Variants in NEGR1 observed in about 807,000 individuals in gnomAD.
The protein encoded by NEGR1 is neuronal growth regulator 1, also known as IgLON family member 4.
In NEGR1, 10 loss-of-function variants were observed where a neutral mutation model predicts 40.9. That is an observed-to-expected ratio of 0.24 (90% CI 0.15 to 0.42). NEGR1 has a LOEUF of 0.42. Ranked by LOEUF, NEGR1 falls within the 10% of genes least tolerant of loss-of-function variation. NEGR1 has a pLI of 1.00. For missense variants in NEGR1, 352 were observed against 438.9 expected (o/e 0.80, Z 1.77); for synonymous variants, 185 against 166.8 (o/e 1.11, Z -0.84).
chr1:72,182,870 T>C (rs968317348), intron 1 of NEGR1, among the ~76,000 whole-genome samples: 4 of 151,368 alleles, frequency 2.6e-5, no homozygotes, highest in African/African-American at 9.7e-5. Context: ...CCCACAGGTT[T>C]GCTTTTTAGC....
intron 1 of NEGR1, among the ~76,000 whole-genome samples, chr1:72,181,091 A>G (rs1465985922): frequency 6.6e-6 from 1 of 152,126 alleles, no homozygotes; most frequent in Non-Finnish European, 1.5e-5. Context: ...TAAAGAACAC[A>G]CTAGAACCAT....
At chr1:72,104,299 C>A (rs1649051109) in intron 1 of NEGR1, among the ~76,000 whole-genome samples, 1 of 151,994 alleles carries the variant, frequency 6.6e-6, no homozygotes, top group African/African-American at 2.4e-5. Context: ...TCTGGTTGGG[C>A]CCAATGTAAT....
At chr1:72,031,489 T>C (rs1014779522) in intron 1 of NEGR1, among the ~76,000 whole-genome samples, 4 of 152,174 alleles carry the variant, frequency 2.6e-5, no homozygotes, top group African/African-American at 7.2e-5. Flanking sequence ...CTTCTTAAAA[T>C]TGACCCCTTT....
intron 5 of NEGR1, among the ~76,000 whole-genome samples, chr1:71,603,925 C>T (rs1380981774): frequency 6.6e-6 from 1 of 152,072 alleles, no homozygotes; most frequent in Non-Finnish European, 1.5e-5. Context: ...TTGCTGATCC[C>T]TGCTTTACCT....
At chr1:72,178,789 T>G (rs1242031380) in intron 1 of NEGR1, among the ~76,000 whole-genome samples, 1 of 151,978 alleles carries the variant, frequency 6.6e-6, no homozygotes, top group East Asian at 1.9e-4. Context: ...CATTTGCATT[T>G]CCCTAATACT....
intron 1 of NEGR1, among the ~76,000 whole-genome samples, chr1:72,216,821 TATG>T (rs1207948446): frequency 1.3e-5 from 2 of 151,752 alleles, no homozygotes; most frequent in South Asian, 2.1e-4. Flanking sequence ...TAGTTATTAT[TATG>T]ATGATGATTA....
chr1:71,973,666 T>A (rs1161497055), intron 1 of NEGR1, among the ~76,000 whole-genome samples: 2 of 152,162 alleles, frequency 1.3e-5, no homozygotes, highest in African/African-American at 4.8e-5. Context: ...CTTAGCAAAA[T>A]GAATCTCACA....
chr1:71,736,271 G>A (rs888810607), intron 3 of NEGR1, among the ~76,000 whole-genome samples: 6 of 151,978 alleles, frequency 3.9e-5, no homozygotes, highest in African/African-American at 1.4e-4. Flanking sequence ...AAAATGTTTT[G>A]ATGAATTTTA....
At chr1:71,427,947 A>C (rs1179184083) in intron 6 of NEGR1, among the ~76,000 whole-genome samples, 1 of 152,078 alleles carries the variant, frequency 6.6e-6, no homozygotes, top group Non-Finnish European at 1.5e-5. Context: ...GATGTGCTCA[A>C]AGGGAGCTAT....
intron 6 of NEGR1, 153 bp from the exon 7 acceptor site, chr1:71,407,723 T>G: frequency 1.6e-6 from 1 of 614,940 alleles, no homozygotes; most frequent in Non-Finnish European, 2.8e-6. Context: ...TATGACAACG[T>G]GTGGGCTATG....
chr1:71,953,454 TC>T (rs1440212963), intron 1 of NEGR1, among the ~76,000 whole-genome samples: 2 of 151,966 alleles, frequency 1.3e-5, no homozygotes, highest in African/African-American at 4.8e-5. Flanking sequence ...TGAGATGGTA[TC>T]TACCCCTGGG....
At chr1:71,913,934 C>A (rs879515666) in intron 2 of NEGR1, among the ~76,000 whole-genome samples, 20 of 151,922 alleles carry the variant, frequency 1.3e-4, no homozygotes, top group Admixed American at 2.0e-4. Flanking sequence ...CAGTATGTCT[C>A]TAATCCCTCA....
intron 6 of NEGR1, among the ~76,000 whole-genome samples, chr1:71,587,242 G>A (rs1459131970): frequency 1.3e-5 from 2 of 152,192 alleles, no homozygotes; most frequent in East Asian, 3.9e-4. Flanking sequence ...TACTTGCAAG[G>A]ACACAGCTAG....
intron 1 of NEGR1, among the ~76,000 whole-genome samples, chr1:72,137,369 G>C (rs540969287): frequency 5.9e-5 from 9 of 152,204 alleles, no homozygotes; most frequent in African/African-American, 1.9e-4. Context: ...TGATAGACTA[G>C]ATAAAGAAAA....
intron 1 of NEGR1, among the ~76,000 whole-genome samples, chr1:72,229,212 A>G (rs1168211636): frequency 6.6e-6 from 1 of 152,006 alleles, no homozygotes; most frequent in East Asian, 1.9e-4. Context: ...TGACACAAAT[A>G]GTAACATCAC....
At chr1:72,021,112 C>A (rs948663662) in intron 1 of NEGR1, among the ~76,000 whole-genome samples, 2 of 151,952 alleles carry the variant, frequency 1.3e-5, no homozygotes, top group South Asian at 2.1e-4. Flanking sequence ...CATTTGAAAT[C>A]AAAAATAAAA....
intron 1 of NEGR1, among the ~76,000 whole-genome samples, chr1:72,111,870 A>C (rs900607631): frequency 6.6e-5 from 10 of 151,844 alleles, no homozygotes; most frequent in Non-Finnish European, 1.5e-4. Flanking sequence ...AGGAATTTGC[A>C]TGTACATACA....
At chr1:71,667,027 G>GA (rs1206026409) in intron 4 of NEGR1, among the ~76,000 whole-genome samples, 4 of 152,026 alleles carry the variant, frequency 2.6e-5, no homozygotes, top group East Asian at 3.9e-4. Context: ...ATTTCTACAG[G>GA]AAAAAAATTA....
intron 1 of NEGR1, among the ~76,000 whole-genome samples, chr1:72,107,042 T>C (rs1649161493): frequency 6.6e-6 from 1 of 151,766 alleles, no homozygotes; most frequent in Admixed American, 6.6e-5. Context: ...ATTTCCCTTG[T>C]TATTAGGTCT....
Sources: gnomAD v4.1 joint callset for allele counts (sites outside exome capture counted in the v4.1 genomes callset) on GRCh38, gnomAD v4.1.1 for gene constraint, MANE v1.5 for transcripts, NCBI Gene and HGNC (gene_info 2026-07-23, HGNC 2026-07-21) for gene names.